Variants in LRRC75A observed in about 807,000 individuals in gnomAD.
LRRC75A encodes the protein leucine-rich repeat-containing protein 75A.
A neutral mutation model predicts 26.0 loss-of-function variants in LRRC75A; 12 were observed. The ratio of observed to expected loss-of-function variants is 0.46; its 90% confidence interval spans 0.30 to 0.75. The LOEUF (loss-of-function observed/expected upper bound fraction) is 0.75, where lower values mean the gene tolerates loss of function less well. Ranked by LOEUF, LRRC75A falls within the 30% of genes least tolerant of loss-of-function variation. The pLI is 0.08. For synonymous variants in LRRC75A, 223 were observed against 219.3 expected (o/e 1.02, Z -0.15); for missense variants, 410 against 486.6 (o/e 0.84, Z 1.48).
chr17:16,454,993 CA>C (rs1458175534), intron 2 of LRRC75A, among the ~76,000 whole-genome samples: 14 of 151,738 alleles, frequency 9.2e-5, no homozygotes, highest in Non-Finnish European at 4.4e-5. Context: ...AGTACAGTGG[CA>C]CCATCTCAGC....
At chr17:16,474,633 T>G (rs1601192059) in intron 1 of LRRC75A, among the ~76,000 whole-genome samples, 1 of 152,252 alleles carries the variant, frequency 6.6e-6, no homozygotes, top group Admixed American at 6.5e-5. Flanking sequence ...TTATACCTTC[T>G]GGCAAATGCA....
At chr17:16,482,557 C>T (rs1280787705) in intron 1 of LRRC75A, among the ~76,000 whole-genome samples, 7 of 152,092 alleles carry the variant, frequency 4.6e-5, no homozygotes, top group East Asian at 1.9e-4. Flanking sequence ...GTGGGGGAGA[C>T]GGGGCTTCCC....
At chr17:16,480,377 C>A (rs546687745) in intron 1 of LRRC75A, among the ~76,000 whole-genome samples, 28 of 152,232 alleles carry the variant, frequency 1.8e-4, no homozygotes, top group Non-Finnish European at 5.9e-5. Flanking sequence ...TGCCTGTAAT[C>A]CTAGCACTTT....
At chr17:16,448,081 G>T (rs1354148275) in intron 2 of LRRC75A, 121 bp from the exon 3 acceptor site, 10 of 866,862 alleles carry the variant, frequency 1.2e-5, no homozygotes, top group Non-Finnish European at 1.7e-5. Context: ...GGGAGGCCCT[G>T]CTCTGCTGGC....
At chr17:16,490,881 G>T (rs750510875) in intron 1 of LRRC75A, among the ~76,000 whole-genome samples, 5 of 152,178 alleles carry the variant, frequency 3.3e-5, no homozygotes, top group Non-Finnish European at 5.9e-5. Context: ...GCACTCCCCT[G>T]CCTGTCTTAT....
intron 1 of LRRC75A, among the ~76,000 whole-genome samples, chr17:16,472,360 A>G (rs977680693): frequency 6.6e-6 from 1 of 152,208 alleles, no homozygotes; most frequent in African/African-American, 2.4e-5. Flanking sequence ...AGCCAGTGAC[A>G]AAGCTGCGTG....
intron 2 of LRRC75A, among the ~76,000 whole-genome samples, chr17:16,448,684 AGAG>A (rs1035285026): frequency 6.6e-5 from 10 of 152,340 alleles, no homozygotes; most frequent in Non-Finnish European, 8.8e-5. Flanking sequence ...AAATGAGGTC[AGAG>A]GAGTAGGCCC....
intron 2 of LRRC75A, among the ~76,000 whole-genome samples, chr17:16,452,934 T>C (rs930394754): frequency 3.3e-5 from 5 of 151,912 alleles, no homozygotes; most frequent in Non-Finnish European, 7.4e-5. Flanking sequence ...CTTCCCAGGG[T>C]TTCCAAAATC....
chr17:16,472,992 A>G (rs1433708611), intron 1 of LRRC75A, among the ~76,000 whole-genome samples: 4 of 152,220 alleles, frequency 2.6e-5, no homozygotes, highest in Non-Finnish European at 5.9e-5. Flanking sequence ...ACCCTTGAAC[A>G]TCGACATTTA....
intron 1 of LRRC75A, among the ~76,000 whole-genome samples, chr17:16,474,947 T>G (rs1270718093): frequency 6.7e-6 from 1 of 149,406 alleles, no homozygotes; most frequent in Non-Finnish European, 1.5e-5. Context: ...GAGCCAAGAT[T>G]GTGCCACCGC....
At chr17:16,486,180 G>C (rs1033649046) in intron 1 of LRRC75A, among the ~76,000 whole-genome samples, 1 of 152,148 alleles carries the variant, frequency 6.6e-6, no homozygotes, top group African/African-American at 2.4e-5. Context: ...AATGACACTG[G>C]GGGGAGGGGA....
At chr17:16,464,806 C>T (rs34454218) in intron 1 of LRRC75A, among the ~76,000 whole-genome samples, 47,859 of 150,388 alleles carry the variant, frequency 0.32, 8,119 homozygotes, top group Non-Finnish European at 0.36. Flanking sequence ...CTATCACCCA[C>T]TAATGTGCAA....
chr17:16,485,433 C>T (rs1007580186), intron 1 of LRRC75A, among the ~76,000 whole-genome samples: 2 of 152,096 alleles, frequency 1.3e-5, no homozygotes, highest in African/African-American at 4.8e-5. Context: ...CAGAATGCAG[C>T]GAGAGGGTAC....
At position 16,462,062 on chromosome 17, in the gene LRRC75A, C is replaced by T. The variant is rs2093731550; in HGVS notation, c.375+196G>A. On this transcript the variant is annotated intron_variant, in intron 2 of 3. Coordinates refer to ENST00000470794, the MANE Select transcript of LRRC75A (RefSeq NM_001113567.3). The surrounding 1 kb of genome is among the most constrained non-coding windows in gnomAD (Gnocchi z 4.6). ...GGTTTTTAAATGTTGGCAATGAATTCACCCCCTGGGCCAAACAAAACCAAT... is the reference window on the plus strand; with the variant it reads ...GGTTTTTAAATGTTGGCAATGAATTTACCCCCTGGGCCAAACAAAACCAAT... Among the ~76,000 whole-genome samples the T allele has an allele frequency of 6.6e-6, 1 of 152,190 alleles. No individual in the cohort carries two copies. Among genetic ancestry groups the T allele is most frequent in the South Asian group, 2.1e-4 (1 of 4,828 alleles).
rs937594255 is a variant in LRRC75A at position 16,491,150 on chromosome 17, G to T, written c.246+595C>A. Among the ~76,000 whole-genome samples, 3 of 152,340 alleles carry T rather than the reference G, an allele frequency of 2.0e-5. No individual in the cohort carries two copies. Among genetic ancestry groups the T allele is most frequent in the Middle Eastern group, 3.4e-3 (1 of 294 alleles). ...CAAATCCAGCTCCCCTGTCTCTACC[G>T]CTTTCCGCAGGGGCTCATGGTTGAG... is the stretch of plus-strand genomic sequence containing the variant. On this transcript the variant is annotated intron_variant, in intron 1 of 3. Coordinates refer to ENST00000470794, the MANE Select transcript of LRRC75A (RefSeq NM_001113567.3). The surrounding 1 kb of genome is among the most constrained non-coding windows in gnomAD (Gnocchi z 5.9).
intron 1 of LRRC75A, chr17:16,463,039 C>T (rs2093739846): frequency 6.5e-6 from 1 of 152,816 alleles, no homozygotes; most frequent in Non-Finnish European, 1.5e-5. Flanking sequence ...AGCAGAGCTT[C>T]CCTGGGTCTG....
chr17:16,481,562 C>T (rs2093833976), intron 1 of LRRC75A, among the ~76,000 whole-genome samples: 1 of 152,158 alleles, frequency 6.6e-6, no homozygotes, highest in Non-Finnish European at 1.5e-5. Context: ...CTTCAATCTT[C>T]CACACCTGGG....
chr17:16,486,859 T>C (rs1204421929), intron 1 of LRRC75A, among the ~76,000 whole-genome samples: 1 of 152,202 alleles, frequency 6.6e-6, no homozygotes, highest in Non-Finnish European at 1.5e-5. Flanking sequence ...AGCCCACAGT[T>C]GCACAGCCGT....
intron 1 of LRRC75A, among the ~76,000 whole-genome samples, chr17:16,476,735 T>C (rs2093820662): frequency 2.6e-5 from 1 of 37,776 alleles, no homozygotes; most frequent in Non-Finnish European, 5.2e-5. Context: ...CTGGCTGATT[T>C]TTTTTTTTTT....
Sources: gnomAD v4.1 joint callset for allele counts (sites outside exome capture counted in the v4.1 genomes callset) on GRCh38, gnomAD v4.1.1 for gene constraint, Gnocchi (gnomAD v3.1) non-coding constraint, MANE v1.5 for transcripts, NCBI Gene and HGNC (gene_info 2026-07-23, HGNC 2026-07-21) for gene names.